Variants in NTM observed in about 807,000 individuals in gnomAD.
NTM encodes IgLON family member 2.
A neutral mutation model predicts 42.1 loss-of-function variants in NTM; 13 were observed. The ratio of observed to expected loss-of-function variants is 0.31; its 90% CI spans 0.20 to 0.49. The LOEUF (loss-of-function observed/expected upper bound fraction) is 0.49, where lower values mean the gene tolerates loss of function less well. Among genes scored for constraint, NTM ranks in the 20% least tolerant of loss-of-function variants. NTM has a pLI of 0.99. For missense variants in NTM, 373 were observed against 452.8 expected, an observed-to-expected ratio of 0.82 and a Z score of 1.60; for synonymous variants, 187 against 179.2, an observed-to-expected ratio of 1.04 and a Z score of -0.35.
intron 1 of NTM, among the ~76,000 whole-genome samples, chr11:131,716,165 T>C (rs894358312): frequency 8.5e-5 from 13 of 152,188 alleles, no homozygotes; most frequent in African/African-American, 3.1e-4. Context: ...CTTTACATGG[T>C]GGAAGGGGAC....
At chr11:131,371,804 T>C (rs935402535) in intron 1 of NTM, among the ~76,000 whole-genome samples, 1 of 152,220 alleles carries the variant, frequency 6.6e-6, no homozygotes, top group Non-Finnish European at 1.5e-5. Flanking sequence ...TTGGGGTAAC[T>C]AGTTTGCCTC....
At chr11:131,700,417 A>G (rs559117632) in intron 1 of NTM, among the ~76,000 whole-genome samples, 1 of 152,206 alleles carries the variant, frequency 6.6e-6, no homozygotes, top group Admixed American at 6.5e-5. Flanking sequence ...AGTTTTAGCT[A>G]CCTATAAGTT....
chr11:131,631,636 C>T (rs1224282045), intron 1 of NTM, among the ~76,000 whole-genome samples: 2 of 152,214 alleles, frequency 1.3e-5, no homozygotes, highest in East Asian at 3.8e-4. Context: ...CATTGGCATT[C>T]ACTTTCATTT....
chr11:131,704,949 G>C (rs1237280953), intron 1 of NTM, among the ~76,000 whole-genome samples: 9 of 152,036 alleles, frequency 5.9e-5, no homozygotes, highest in African/African-American at 2.2e-4. Context: ...AAAAGATTGA[G>C]AAACAGTGAC....
intron 1 of NTM, among the ~76,000 whole-genome samples, chr11:131,503,845 G>T (rs1371200790): frequency 6.6e-6 from 1 of 152,126 alleles, no homozygotes; most frequent in Non-Finnish European, 1.5e-5. Context: ...AAGTGGCAGG[G>T]TTGTGCGTGT....
chr11:131,827,095 T>G (rs2042228770), intron 1 of NTM, among the ~76,000 whole-genome samples: 1 of 152,156 alleles, frequency 6.6e-6, no homozygotes, highest in South Asian at 2.1e-4. Context: ...AGACTCTGAA[T>G]ACACGTTGAT....
chr11:131,815,422 G>A (rs3802793), intron 1 of NTM, among the ~76,000 whole-genome samples: 87,867 of 151,956 alleles, frequency 0.58, 27,593 homozygotes, highest in East Asian at 0.82. Context: ...TGGGCTGTGC[G>A]CAAAGAGCAG....
At chr11:131,387,928 A>G (rs1943530739) in intron 1 of NTM, among the ~76,000 whole-genome samples, 1 of 152,232 alleles carries the variant, frequency 6.6e-6, no homozygotes, top group African/African-American at 2.4e-5. Flanking sequence ...AGTCTGTGAC[A>G]TCTAGCATCA....
At chr11:131,994,303 G>C (rs1301347639) in intron 2 of NTM, among the ~76,000 whole-genome samples, 1 of 152,142 alleles carries the variant, frequency 6.6e-6, no homozygotes, top group Non-Finnish European at 1.5e-5. Flanking sequence ...GGTGGGAAGG[G>C]AGTTCTGAAA....
intron 1 of NTM, among the ~76,000 whole-genome samples, chr11:131,526,770 A>C (rs1394694739): frequency 1.3e-5 from 2 of 152,226 alleles, no homozygotes; most frequent in Non-Finnish European, 2.9e-5. Context: ...AGAAATATTA[A>C]CAAGTGTCAG....
Position 132,112,718 on chromosome 11 carries a change from T to TACACACAC in NTM, c.168-33530_168-33523dup, listed in dbSNP as rs61630313. Among the ~76,000 whole-genome samples the TACACACAC allele has an allele frequency of 4.1e-3, 584 of 142,150 alleles. 5 individuals carry two copies. Among genetic ancestry groups the TACACACAC allele is most frequent in the African/African-American group, 0.01 (389 of 38,610 alleles). 93.3% of individuals were successfully genotyped at this position (142,150 alleles called of 152,430 possible). ...CACACATTTTCTGGGACTGCACACT[T>TACACACAC]ACACACACACACACACACACACACA... On this transcript the variant is annotated intron_variant, in intron 2 of 8. Coordinates refer to ENST00000683400, the MANE Select transcript of NTM (RefSeq NM_001352005.2).
chr11:132,059,516 C>T (rs377237067), intron 2 of NTM, among the ~76,000 whole-genome samples: 7 of 152,188 alleles, frequency 4.6e-5, no homozygotes, highest in East Asian at 3.9e-4. Context: ...ACCCTAAACC[C>T]GTCAAGTGAC....
chr11:132,295,115 CTCTCTCTCTG>C (rs1477938101), intron 4 of NTM, among the ~76,000 whole-genome samples: 2 of 151,922 alleles, frequency 1.3e-5, no homozygotes, highest in African/African-American at 4.8e-5. Flanking sequence ...AGCCCTCTCT[CTCTCTCTCTG>C]TCTCTCTCAC....
intron 1 of NTM, among the ~76,000 whole-genome samples, chr11:131,743,483 C>T (rs1029770296): frequency 3.9e-5 from 6 of 152,104 alleles, no homozygotes; most frequent in African/African-American, 1.4e-4. Flanking sequence ...CCACTAGAAC[C>T]TTCATAGTAC....
intron 1 of NTM, among the ~76,000 whole-genome samples, chr11:131,726,462 A>C (rs1401465932): frequency 1.3e-5 from 2 of 151,080 alleles, no homozygotes; most frequent in African/African-American, 2.5e-5. Flanking sequence ...TCTACTGGCA[A>C]AATAAGCCCT....
Position 131,881,507 on chromosome 11 carries a change from CA to C in NTM, c.83-30056del, listed in dbSNP as rs1242757841. 1.3e-5 allele frequency among the ~76,000 whole-genome samples: 2 copies of C among 148,754 alleles called. 1 individual carries two copies. The highest frequency in any genetic ancestry group is 4.2e-4 in the South Asian group (2 of 4,748). On this transcript the variant is annotated intron_variant, in intron 1 of 8. Coordinates refer to ENST00000683400, the MANE Select transcript of NTM (RefSeq NM_001352005.2). ...ACACACACACACACACACACACACA[CA>C]CCCCCCAAAGCTTTGACGCAGAGGA...
intron 2 of NTM, among the ~76,000 whole-genome samples, chr11:132,120,827 C>T (rs1017413939): frequency 2.0e-5 from 3 of 152,034 alleles, no homozygotes; most frequent in Non-Finnish European, 4.4e-5. Flanking sequence ...TCGTCTGAAC[C>T]CCAAGGTGCC....
At chr11:131,373,611 G>C (rs1301398839) in intron 1 of NTM, among the ~76,000 whole-genome samples, 1 of 151,632 alleles carries the variant, frequency 6.6e-6, no homozygotes, top group Non-Finnish European at 1.5e-5. Context: ...GGGAGCAGAC[G>C]CTACAGAACT....
intron 1 of NTM, among the ~76,000 whole-genome samples, chr11:131,755,040 G>A (rs1404712966): frequency 2.6e-5 from 4 of 152,186 alleles, no homozygotes; most frequent in African/African-American, 7.2e-5. Context: ...TGGGGCTAAA[G>A]AGCCTTGGGT....
Sources: gnomAD v4.1 joint callset for allele counts (sites outside exome capture counted in the v4.1 genomes callset) on GRCh38, gnomAD v4.1.1 for gene constraint, MANE v1.5 for transcripts, NCBI Gene and HGNC (gene_info 2026-07-23, HGNC 2026-07-21) for gene names.